UNC80: variants seen among roughly 807,000 people sequenced by gnomAD.
The protein encoded by UNC80 is unc-80 subunit of NALCN channel complex.
UNC80 carries 164 observed loss-of-function variants against 384.6 expected under a neutral mutation model. That is an observed-to-expected ratio of 0.43 (90% CI 0.38 to 0.49). The LOEUF (loss-of-function observed/expected upper bound fraction) is 0.49. UNC80 is among the 20% of genes least tolerant of loss of function. The pLI, the probability that UNC80 is intolerant of heterozygous loss-of-function variation, is 0.00. For missense variants in UNC80, 3,330 were observed against 4,143.0 expected, an observed-to-expected ratio of 0.80 and a Z score of 5.39; for synonymous variants, 1,486 against 1,527.8, an observed-to-expected ratio of 0.97 and a Z score of 0.64.
Position 209,921,562 on chromosome 2 carries a change from C to G in UNC80, c.5406C>G (p.Asn1802Lys), listed in dbSNP as rs1293291177. 2 of 1,549,376 alleles carry G rather than the reference C, an allele frequency of 1.3e-6. No individual in the cohort carries two copies. The highest frequency in any genetic ancestry group is 1.7e-6 in the Non-Finnish European group (2 of 1,145,720). Residue 1802 changes from asparagine (N) to lysine (K), a missense_variant, in exon 34 of 65, where the codon AAC becomes AAG. Asn to Lys is a moderately conservative substitution (Grantham distance 94). Around this residue, in one of 8 missense-constraint regions of UNC80, gnomAD observed 1,049 missense variants for 1,488.6 expected, o/e 0.70. Transcript: ENST00000673920. ...AAAGGGCAGAACACATCTTAAAGAACTTGCAGCAGGAGGAAGAAAAGAAAC... is the reference window on the plus strand; with the variant it reads ...AAAGGGCAGAACACATCTTAAAGAAGTTGCAGCAGGAGGAAGAAAAGAAAC... ...SHQRAEHILK[N>K]LQQEEEKKRL...
intron 16 of UNC80, among the ~76,000 whole-genome samples, chr2:209,832,321 G>A (rs150280494): frequency 6.6e-6 from 1 of 152,024 alleles, no homozygotes; most frequent in East Asian, 1.9e-4. Flanking sequence ...AAAATTAAAA[G>A]GCTAGTGCTT....
intron 28 of UNC80, among the ~76,000 whole-genome samples, chr2:209,902,449 A>G (rs540547284): frequency 3.5e-4 from 54 of 152,336 alleles, no homozygotes; most frequent in African/African-American, 1.3e-3. Flanking sequence ...TTTTGAAAGA[A>G]GTTCTACTGT....
intron 33 of UNC80, among the ~76,000 whole-genome samples, chr2:209,918,906 A>G (rs2089792723): frequency 6.6e-6 from 1 of 152,234 alleles, no homozygotes; most frequent in Admixed American, 6.5e-5. Context: ...TACTAAAAGC[A>G]TTAGGCATTG....
intron 51 of UNC80, among the ~76,000 whole-genome samples, 183 bp from the exon 52 acceptor site, chr2:209,967,254 T>TA (rs1197944276): frequency 6.6e-6 from 1 of 152,120 alleles, no homozygotes; most frequent in Non-Finnish European, 1.5e-5. Flanking sequence ...AATATGCATA[T>TA]GTAGGTATCA....
intron 21 of UNC80, among the ~76,000 whole-genome samples, chr2:209,844,146 G>A (rs373997706): frequency 5.9e-5 from 9 of 152,136 alleles, no homozygotes; most frequent in African/African-American, 1.9e-4. Context: ...TATGTCTCAC[G>A]GTCAGACGTC....
Position 209,969,901 on chromosome 2 carries a change from C to A in UNC80, c.8130+10C>A, listed in dbSNP as rs374298964. 3 of 1,551,088 alleles carry A rather than the reference C, an allele frequency of 1.9e-6. No homozygotes were observed. In the African/African-American group the frequency reaches 4.1e-5, roughly 21 times the overall value. Reference sequence around the variant, plus strand: ...TGTCTGTGTCAATCTGGTGAGTAGCCAAGTGGCAATCTTATGAAACTTTGC... The same window carrying A: ...TGTCTGTGTCAATCTGGTGAGTAGCAAAGTGGCAATCTTATGAAACTTTGC... On this transcript the variant is annotated intron_variant, in intron 53 of 64. Coordinates refer to ENST00000673920, the MANE Select transcript of UNC80 (RefSeq NM_001371986.1).
intron 28 of UNC80, among the ~76,000 whole-genome samples, chr2:209,898,439 TTG>T (rs1205128062): frequency 6.6e-5 from 10 of 152,188 alleles, no homozygotes; most frequent in African/African-American, 2.4e-4. Flanking sequence ...AAAATTTCCA[TTG>T]TGATGTATTC....
chr2:209,987,410 T>C (rs150906002), intron 61 of UNC80, among the ~76,000 whole-genome samples: 1 of 152,346 alleles, frequency 6.6e-6, no homozygotes, highest in African/African-American at 2.4e-5. Flanking sequence ...TGGAAATTAA[T>C]AAGATGAAAT....
chr2:209,944,279 T>G (rs1021517254), intron 45 of UNC80, among the ~76,000 whole-genome samples: 1 of 152,186 alleles, frequency 6.6e-6, no homozygotes, highest in Non-Finnish European at 1.5e-5. Context: ...TTCATTCCTT[T>G]TTGTCACTCT....
Position 209,834,956 on chromosome 2 carries a change from C to T in UNC80, c.2987C>T (p.Ala996Val). The change falls in exon 18 of 65, where the codon GCA becomes GTA. Residue 996 changes from alanine to valine, a missense_variant. Coordinates refer to ENST00000673920, the MANE Select transcript of UNC80 (RefSeq NM_001371986.1). ...GTGGATAAAGGCCAGGTATCCTCTG[C>T]ACCTGAGGAATGTCGCAGCTTCATG... ...SIVDKGQVSS[A>V]PEECRSFMSG... is the part of the protein sequence containing the mutation. 1 of 1,551,176 alleles carries T rather than the reference C, an allele frequency of 6.4e-7. No homozygotes were observed. The highest frequency in any genetic ancestry group is 1.4e-5 in the African/African-American group (1 of 73,150).
intron 6 of UNC80, 112 bp from the exon 7 acceptor site, chr2:209,793,608 G>A: frequency 7.8e-7 from 1 of 1,281,000 alleles, no homozygotes; most frequent in Non-Finnish European, 1.1e-6. Context: ...GTGAAAAAAA[G>A]CCCATATATG....
Position 209,773,077 on chromosome 2 carries a change from C to T in UNC80, c.93-17C>T, listed in dbSNP as rs370276541. The T allele has an allele frequency of 6.3e-7, 1 of 1,594,164 alleles. No homozygotes were observed. Reference sequence around the variant, plus strand: ...TTTACTTATGTTTATTAACAAATATCTCTATTAATTTTTCAGTGCATTTTT... The same window carrying T: ...TTTACTTATGTTTATTAACAAATATTTCTATTAATTTTTCAGTGCATTTTT... On this transcript the variant is annotated splice_polypyrimidine_tract_variant and intron_variant, in intron 1 of 64. Coordinates refer to ENST00000673920, the MANE Select transcript of UNC80 (RefSeq NM_001371986.1).
At chr2:209,809,708 A>C in intron 7 of UNC80, 1 of 477,214 alleles carries the variant, frequency 2.1e-6, no homozygotes, top group Non-Finnish European at 3.7e-6. Context: ...GAGCGCCCCC[A>C]TTTCTGGATG....
chr2:209,969,755 T>C lies in UNC80; in HGVS notation c.8007-13T>C. On this transcript the variant is annotated splice_polypyrimidine_tract_variant and intron_variant, in intron 52 of 64. Transcript: ENST00000673920. ...GGAGCCAAGACGCTAATGGCGCCTA[T>C]ATTGTATTCCAGGCGACAGGTTGAG... 1 of 1,551,614 alleles carries C rather than the reference T, an allele frequency of 6.4e-7. No homozygotes were observed. The highest frequency in any genetic ancestry group is 8.7e-7 in the Non-Finnish European group (1 of 1,146,916).
chr2:209,786,322 G>A (rs2077423858), intron 5 of UNC80, 133 bp downstream of exon 5: 2 of 1,158,416 alleles, frequency 1.7e-6, no homozygotes, highest in Non-Finnish European at 2.3e-6. Flanking sequence ...TAAGTGTCCT[G>A]ATATAGGGCT....
intron 3 of UNC80, among the ~76,000 whole-genome samples, chr2:209,776,498 T>C (rs2076873118): frequency 6.6e-6 from 1 of 152,210 alleles, no homozygotes; most frequent in African/African-American, 2.4e-5. Context: ...GGAGAATCAC[T>C]TGAACCTGGG....
At chr2:209,903,224 G>A (rs2087632345) in intron 28 of UNC80, among the ~76,000 whole-genome samples, 2 of 145,412 alleles carry the variant, frequency 1.4e-5, no homozygotes, top group East Asian at 4.1e-4. Context: ...GAATATTTTT[G>A]ATCTGCAGTT....
At chr2:209,802,782 C>G (rs1165410850) in intron 7 of UNC80, among the ~76,000 whole-genome samples, 1 of 152,170 alleles carries the variant, frequency 6.6e-6, no homozygotes, top group African/African-American at 2.4e-5. Context: ...AAGCTGAAAT[C>G]TAGGTGTTGG....
In UNC80 at chr2:209,996,209, A is replaced by G. The variant is rs1329370181; in HGVS notation, c.*614A>G. On this transcript the variant is annotated 3_prime_UTR_variant, in exon 65 of 65. Coordinates refer to ENST00000673920, the MANE Select transcript of UNC80 (RefSeq NM_001371986.1). ...ACTTTTAGATATTTATTTTTCAACT[A>G]TCATTTTCATTGCATGTTGTAAATC... 6.6e-6 allele frequency: 1 copy of G among 152,274 alleles called. No homozygotes were observed. Among genetic ancestry groups the G allele is most frequent in the Non-Finnish European group, 1.5e-5 (1 of 68,096 alleles). 9.4% of individuals were successfully genotyped at this position (152,274 alleles called of 1,614,324 possible).
Sources: gnomAD v4.1 joint callset for allele counts (sites outside exome capture counted in the v4.1 genomes callset) on GRCh38, gnomAD v4.1.1 for gene constraint, gnomAD v4.1.1 regional missense constraint, MANE v1.5 for transcripts, NCBI Gene and HGNC (gene_info 2026-07-23, HGNC 2026-07-21) for gene names.